The following HOXA3 variants were observed in gnomAD, a reference collection of about 807,000 sequenced individuals.
The protein encoded by HOXA3 is homeobox A3.
A neutral mutation model predicts 30.3 loss-of-function variants in HOXA3; 8 were observed. The observed-to-expected ratio is 0.26, with a 90% CI of 0.15 to 0.48. The LOEUF is 0.48. Among genes scored for constraint, HOXA3 ranks in the 20% least tolerant of loss-of-function variants. HOXA3 has a pLI of 0.99. For missense variants in HOXA3, 653 were observed against 614.4 expected (o/e 1.06, Z -0.66); for synonymous variants, 323 against 273.1 (o/e 1.18, Z -1.80).
chr7:27,130,104 G>C, intron 2 of HOXA3: 1 of 1,590,110 alleles, frequency 6.3e-7, no homozygotes, highest in Non-Finnish European at 8.5e-7. Flanking sequence ...CGCCTCCCAA[G>C]CGGCGCCACG....
chr7:27,145,582 A>G, intron 1 of HOXA3: 1 of 1,540,372 alleles, frequency 6.5e-7, no homozygotes, highest in Non-Finnish European at 8.7e-7. Flanking sequence ...GCGGGGAGAA[A>G]AGTTGGGGAA....
chr7:27,121,200 C>T (rs1784988102), intron 4 of HOXA3: 1 of 150,654 alleles, frequency 6.6e-6, no homozygotes, highest in East Asian at 2.0e-4. Flanking sequence ...TCAGGTAAGG[C>T]TCTCTTAGCC....
At chr7:27,146,647 G>A (rs976561238) in intron 1 of HOXA3, among the ~76,000 whole-genome samples, 2 of 152,172 alleles carry the variant, frequency 1.3e-5, no homozygotes, top group African/African-American at 4.8e-5. Context: ...GTGTTGGGCT[G>A]TCTGATCTGG....
intron 2 of HOXA3, among the ~76,000 whole-genome samples, chr7:27,127,939 A>C (rs1785353982): frequency 6.6e-6 from 1 of 152,248 alleles, no homozygotes; most frequent in African/African-American, 2.4e-5. Context: ...AAGAGAAACA[A>C]ACAAGCAAAC....
Position 27,108,700 on chromosome 7 carries a change from T to G in HOXA3, c.547A>C (p.Lys183Gln). The change falls in exon 6 of 6, where the codon AAG becomes CAG. Residue 183 changes from lysine to glutamine, a missense_variant. By Grantham distance (53) the Lys-to-Gln change is moderately conservative. Around this residue, in one of 3 missense-constraint regions of HOXA3, gnomAD observed 320 missense variants for 321.9 expected, o/e 0.99. Transcript: ENST00000612286. The surrounding 1 kb of genome is among the most constrained non-coding windows in gnomAD (Gnocchi z 5.0). ...GACGAAGCCTGCCCCGGCGGGCTCT[T>G]GTCGCCAGCGCAGCTTTCGCCTGCG... ...SSSGESCAGD[K>Q]SPPGQASSKR... The G allele has an allele frequency of 6.2e-7, 1 of 1,604,138 alleles. No homozygotes were observed. The highest frequency in any genetic ancestry group is 8.5e-7 in the Non-Finnish European group (1 of 1,173,128).
Position 27,146,523 on chromosome 7 carries a change from G to A in HOXA3, c.-494+5765C>T, listed in dbSNP as rs987130796. Among the ~76,000 whole-genome samples, 8 of 152,304 alleles carry A rather than the reference G, an allele frequency of 5.3e-5. 1 individual carries two copies. The highest frequency in any genetic ancestry group is 1.2e-4 in the African/African-American group (5 of 41,546). On this transcript the variant is annotated intron_variant, in intron 1 of 5. Coordinates refer to ENST00000612286, the MANE Select transcript of HOXA3 (RefSeq NM_153631.3). ...ATTATAATTTTAACAATCCGCATTA[G>A]GCTCTGTCCTAGGGAATTCCTAGGA...
At chr7:27,151,583 C>G in intron 1 of HOXA3, 1 of 456,780 alleles carries the variant, frequency 2.2e-6, no homozygotes, top group Non-Finnish European at 4.4e-6. Flanking sequence ...AGAATTCCAC[C>G]CACGCACCTA....
At chr7:27,109,545 C>G (rs1170738909) in intron 5 of HOXA3, among the ~76,000 whole-genome samples, 1 of 152,180 alleles carries the variant, frequency 6.6e-6, no homozygotes, top group Non-Finnish European at 1.5e-5. Flanking sequence ...CATGTGGTTC[C>G]CATTAGGATG....
intron 4 of HOXA3, chr7:27,121,213 C>CTGTA (rs1554337507): frequency 1.7e-5 from 2 of 119,376 alleles, no homozygotes; most frequent in African/African-American, 5.7e-5. Context: ...TCTTAGCCCA[C>CTGTA]TGTGTGCGTG....
intron 1 of HOXA3, chr7:27,147,482 G>C: frequency 1.2e-6 from 2 of 1,614,188 alleles, no homozygotes; most frequent in Non-Finnish European, 1.7e-6. Flanking sequence ...CTGCCCGAGG[G>C]CGAGGCGCCA....
chr7:27,124,392 A>T (rs1035656266), intron 3 of HOXA3: 1 of 152,220 alleles, frequency 6.6e-6, no homozygotes, highest in African/African-American at 2.4e-5. Flanking sequence ...CTTCATCACC[A>T]AAGCCAGGAT....
chr7:27,129,267 G>GTGGGGA, intron 2 of HOXA3: 1 of 1,612,252 alleles, frequency 6.2e-7, no homozygotes, highest in South Asian at 1.1e-5. Flanking sequence ...TCGGGTGGGG[G>GTGGGGA]TGGGGATGGA....
chr7:27,140,247 G>A (rs1782518949), intron 1 of HOXA3, 61 bp from the exon 2 acceptor site: 1 of 152,088 alleles, frequency 6.6e-6, no homozygotes, highest in Non-Finnish European at 1.5e-5. Flanking sequence ...GGTATATAAT[G>A]TTGGATGTCA....
At chr7:27,126,616 A>G (rs1388101141) in intron 3 of HOXA3, among the ~76,000 whole-genome samples, 1 of 152,224 alleles carries the variant, frequency 6.6e-6, no homozygotes, top group Admixed American at 6.5e-5. Context: ...ACACTTAAGA[A>G]ATGGCAATCA....
chr7:27,141,736 C>G, intron 1 of HOXA3: 1 of 1,465,332 alleles, frequency 6.8e-7, no homozygotes. Flanking sequence ...AACAGGGCTT[C>G]TTCACAGAAG....
intron 1 of HOXA3, among the ~76,000 whole-genome samples, chr7:27,148,697 G>T (rs1282821751): frequency 6.6e-6 from 1 of 152,252 alleles, no homozygotes; most frequent in South Asian, 2.1e-4. Context: ...AGCAGTGGCC[G>T]TGAGACTGGG....
chr7:27,125,819 T>G (rs889065756), intron 3 of HOXA3, among the ~76,000 whole-genome samples: 1 of 152,204 alleles, frequency 6.6e-6, no homozygotes, highest in Non-Finnish European at 1.5e-5. Flanking sequence ...TCTGTTTCTA[T>G]GTGGGAACTG....
intron 1 of HOXA3, chr7:27,143,511 G>A (rs1158832073): frequency 6.2e-7 from 1 of 1,613,790 alleles, no homozygotes; most frequent in Admixed American, 1.7e-5. Flanking sequence ...TCCCTGAATT[G>A]CTCGCTCACG....
intron 1 of HOXA3, chr7:27,145,778 G>A (rs776861717): frequency 1.4e-5 from 22 of 1,614,134 alleles, no homozygotes; most frequent in Admixed American, 1.0e-4. Context: ...GGCGCTCGGT[G>A]AGGCAGAGCG....
Sources: allele counts gnomAD v4.1 joint callset (sites outside exome capture counted in the v4.1 genomes callset), GRCh38; gene constraint gnomAD v4.1.1; regional missense constraint gnomAD v4.1.1; non-coding constraint Gnocchi (gnomAD v3.1); transcripts MANE v1.5; gene names NCBI Gene and HGNC (gene_info 2026-07-23, HGNC 2026-07-21).